Variants in CDH17 observed in about 807,000 individuals in gnomAD.
CDH17 encodes cadherin 17.
Under a neutral mutation model 86.3 loss-of-function variants are expected in CDH17, and 67 were observed. That is an observed-to-expected ratio of 0.78 (90% CI 0.64 to 0.95). The LOEUF is 0.95. Among genes scored for constraint, CDH17 ranks in the 40% least tolerant of loss-of-function variants. CDH17 has a pLI of 0.00. For missense variants in CDH17, 993 were observed against 1,017.6 expected (o/e 0.98, Z 0.33); for synonymous variants, 367 against 366.4 (o/e 1.00, Z -0.02).
At chr8:94,200,555 T>G (rs1813889936) in intron 1 of CDH17, among the ~76,000 whole-genome samples, 3 of 144,166 alleles carry the variant, frequency 2.1e-5, no homozygotes, top group Admixed American at 1.4e-4. Flanking sequence ...TTTTTTTTTT[T>G]TTTTTTTTTT....
chr8:94,198,080 A>G (rs1293290293), intron 1 of CDH17, among the ~76,000 whole-genome samples: 1 of 152,078 alleles, frequency 6.6e-6, no homozygotes, highest in Non-Finnish European at 1.5e-5. Context: ...ATAGCTACCT[A>G]GATGTAGATG....
At chr8:94,159,534 G>A (rs1024018101) in intron 12 of CDH17, among the ~76,000 whole-genome samples, 2 of 152,106 alleles carry the variant, frequency 1.3e-5, no homozygotes, top group African/African-American at 2.4e-5. Context: ...AAGTGAAAGC[G>A]AGACCCTGAG....
chr8:94,210,376 G>A (rs1486754578), upstream of CDH17, among the ~76,000 whole-genome samples: 2 of 152,036 alleles, frequency 1.3e-5, no homozygotes, highest in Non-Finnish European at 2.9e-5. Flanking sequence ...CAAAGAATTA[G>A]GTTAATTAAA....
At chr8:94,207,476 T>C (rs1814051983) in intron 1 of CDH17, among the ~76,000 whole-genome samples, 1 of 152,196 alleles carries the variant, frequency 6.6e-6, no homozygotes, top group Non-Finnish European at 1.5e-5. Context: ...GCCTAACCCA[T>C]TTGGCCAACC....
At chr8:94,190,483 G>T (rs538073386) in intron 2 of CDH17, among the ~76,000 whole-genome samples, 1 of 152,166 alleles carries the variant, frequency 6.6e-6, no homozygotes, top group Admixed American at 6.5e-5. Flanking sequence ...GCCACGTTGG[G>T]GCACCCTCTA....
At chr8:94,154,930 TC>T (rs1812918172) in intron 12 of CDH17, among the ~76,000 whole-genome samples, 1 of 151,898 alleles carries the variant, frequency 6.6e-6, no homozygotes, top group Non-Finnish European at 1.5e-5. Flanking sequence ...CTGGAGAACA[TC>T]CCCACCTTCC....
chr8:94,138,600 C>T (rs1049776679), intron 15 of CDH17, among the ~76,000 whole-genome samples: 1 of 152,118 alleles, frequency 6.6e-6, no homozygotes, highest in African/African-American at 2.4e-5. Context: ...AGAGGGGTCT[C>T]TTAAGGCTTT....
At chr8:94,204,512 T>C (rs979169582) in intron 1 of CDH17, among the ~76,000 whole-genome samples, 7 of 152,214 alleles carry the variant, frequency 4.6e-5, no homozygotes, top group African/African-American at 1.7e-4. Flanking sequence ...TTCCATGGTG[T>C]ATATGTGCCA....
chr8:94,171,510 T>C lies in CDH17; in HGVS notation c.784-525A>G, dbSNP rs369666662. Among the ~76,000 whole-genome samples, 94 of 152,286 alleles carry C rather than the reference T, an allele frequency of 6.2e-4. 3 individuals are homozygous for C. In the South Asian group the frequency reaches 0.018, roughly 29 times the overall value. Reference sequence around the variant, plus strand: ...GCCTCAGAGACTTCAGGGATGAGAATAACTGCCAACTCCTAGGGTTGTTTG... The same window carrying C: ...GCCTCAGAGACTTCAGGGATGAGAACAACTGCCAACTCCTAGGGTTGTTTG... On this transcript the variant is annotated intron_variant, in intron 7 of 17. Transcript: ENST00000027335.
intron 9 of CDH17, among the ~76,000 whole-genome samples, chr8:94,170,060 G>A (rs367961530): frequency 2.0e-5 from 3 of 152,196 alleles, no homozygotes; most frequent in Admixed American, 6.5e-5. Context: ...GTCAAATAAC[G>A]TATGGGGAAA....
intron 1 of CDH17, chr8:94,197,462 G>A (rs1328379809): frequency 6.6e-6 from 1 of 152,218 alleles, no homozygotes; most frequent in Non-Finnish European, 1.5e-5. Flanking sequence ...TAGCTATGTG[G>A]CTATGGATAT....
At chr8:94,184,745 A>G (rs1329326090) in intron 3 of CDH17, among the ~76,000 whole-genome samples, 2 of 152,208 alleles carry the variant, frequency 1.3e-5, no homozygotes, top group Admixed American at 6.5e-5. Context: ...TGAGAAAAAA[A>G]AAGACCTCTC....
chr8:94,184,391 A>G (rs1190237365), intron 3 of CDH17, among the ~76,000 whole-genome samples: 2 of 152,250 alleles, frequency 1.3e-5, no homozygotes, highest in Non-Finnish European at 2.9e-5. Flanking sequence ...TCACTCAGTC[A>G]TAAAAAGGAA....
chr8:94,200,118 A>T (rs953981152), intron 1 of CDH17, among the ~76,000 whole-genome samples: 4 of 152,220 alleles, frequency 2.6e-5, no homozygotes, highest in African/African-American at 7.2e-5. Flanking sequence ...ATTCAAGGCA[A>T]ACTACACTAG....
chr8:94,216,427 C>T (rs1003913595), intron 1 of CDH17, among the ~76,000 whole-genome samples: 2 of 152,106 alleles, frequency 1.3e-5, no homozygotes, highest in African/African-American at 4.8e-5. Context: ...GCGTCAGATC[C>T]CTTCTAAGGA....
rs775675197 is a variant in CDH17, at chr8:94,173,931, C to G, written c.649G>C (p.Gly217Arg). 2 of 1,613,638 alleles carry G rather than the reference C, an allele frequency of 1.2e-6. No individual in the cohort carries two copies. Among genetic ancestry groups the G allele is most frequent in the Non-Finnish European group, 1.7e-6 (2 of 1,179,710 alleles). The change falls in exon 7 of 18, where the codon GGA (glycine) becomes CGA (arginine). Residue 217 changes from glycine (G) to arginine (R), a missense_variant. Gly to Arg is a moderately radical substitution (Grantham distance 125). Transcript: ENST00000027335. The part of the protein sequence containing the change: ...YNLVISVKDM[G>R]GQSENSFSDT... ...CTGAAGGAATTCTCACTCTGGCCTCCCATGTCCTTCACTGAGATCACCAGA... is the reference window on the plus strand; with the variant it reads ...CTGAAGGAATTCTCACTCTGGCCTCGCATGTCCTTCACTGAGATCACCAGA...
rs199750261 is a variant in CDH17, at chr8:94,170,542, A to T, written c.921T>A (p.Val307=). The change falls in exon 9 of 18, where the codon GTT becomes GTA. Residue 307 remains valine (V), a synonymous_variant. Coordinates refer to ENST00000027335, the MANE Select transcript of CDH17 (RefSeq NM_004063.4). ...PLDREEKDAY[V]FYAVAKDEYG... is the part of the protein sequence containing the mutation. ...ACTCATCCTTTGCAACTGCATAAAAAACATACTACAACAGGAAAGTCAGAG... is the reference window on the plus strand; with the variant it reads ...ACTCATCCTTTGCAACTGCATAAAATACATACTACAACAGGAAAGTCAGAG... 2.2e-4 allele frequency: 356 copies of T among 1,613,530 alleles called. No homozygotes were observed. Among genetic ancestry groups the T allele is most frequent in the Non-Finnish European group, 2.8e-4 (328 of 1,179,750 alleles).
At chr8:94,195,944 T>C (rs1813778393) in intron 1 of CDH17, among the ~76,000 whole-genome samples, 1 of 151,754 alleles carries the variant, frequency 6.6e-6, no homozygotes, top group Non-Finnish European at 1.5e-5. Context: ...GTATTTTTAG[T>C]AGAGATGGGG....
intron 5 of CDH17, 131 bp from the exon 6 acceptor site, chr8:94,174,391 G>C: frequency 1.2e-6 from 1 of 869,520 alleles, no homozygotes; most frequent in South Asian, 2.0e-5. Context: ...ACACCAGTGG[G>C]GAAATAAATA....
Sources: allele counts gnomAD v4.1 joint callset (sites outside exome capture counted in the v4.1 genomes callset), GRCh38; gene constraint gnomAD v4.1.1; transcripts MANE v1.5; gene names NCBI Gene and HGNC (gene_info 2026-07-23, HGNC 2026-07-21).